The following VWC2L variants were observed in gnomAD, a reference collection of about 807,000 sequenced individuals.
The protein encoded by VWC2L is von Willebrand factor C domain-containing protein 2-like.
In VWC2L, 10 loss-of-function variants were observed where a neutral mutation model predicts 21.6. The ratio of observed to expected loss-of-function variants is 0.46; its 90% CI spans 0.29 to 0.78. The LOEUF (loss-of-function observed/expected upper bound fraction) is 0.78. VWC2L is among the 30% of genes least tolerant of loss of function. The pLI is 0.10. For synonymous variants in VWC2L, 96 were observed against 94.3 expected, an observed-to-expected ratio of 1.02 and a Z score of -0.10; for missense variants, 209 against 277.1, an observed-to-expected ratio of 0.75 and a Z score of 1.74.
At position 214,561,600 on chromosome 2, in the gene VWC2L, C is replaced by A. The variant is rs183052383; in HGVS notation, c.521-14072C>A. On this transcript the variant is annotated intron_variant, in intron 3 of 3. Transcript: ENST00000312504. ...TGTTGCCTGAGCAACATGGCAAAAT[C>A]TTGTCTCTACTAAAAATACAAAAAA... Among the ~76,000 whole-genome samples the A allele has an allele frequency of 2.6e-5, 4 of 151,778 alleles. No homozygotes were observed. In the East Asian group the frequency reaches 7.8e-4, roughly 29 times the overall value.
chr2:214,421,770 T>C (rs1702444728), intron 2 of VWC2L, among the ~76,000 whole-genome samples: 1 of 144,024 alleles, frequency 6.9e-6, no homozygotes, highest in South Asian at 2.1e-4. Context: ...CAACTGTACA[T>C]GGTTTTGGAT....
At chr2:214,541,339 A>G (rs555010508) in intron 3 of VWC2L, among the ~76,000 whole-genome samples, 1 of 152,136 alleles carries the variant, frequency 6.6e-6, no homozygotes, top group South Asian at 2.1e-4. Context: ...CTGTTTCTAC[A>G]TCAGGCTGAA....
chr2:214,480,871 A>AAAAAAAAAAAAG (rs1688593444), intron 3 of VWC2L, among the ~76,000 whole-genome samples: 2 of 104,590 alleles, frequency 1.9e-5, no homozygotes, highest in African/African-American at 7.3e-5. Flanking sequence ...AGCCAAAAAA[A>AAAAAAAAAAAAG]AAAAAAAAAA....
intron 3 of VWC2L, among the ~76,000 whole-genome samples, chr2:214,469,742 CT>C (rs755721547): frequency 2.0e-5 from 3 of 152,160 alleles, no homozygotes; most frequent in Non-Finnish European, 4.4e-5. Context: ...TTTTCCAGAA[CT>C]ACTTCCCATT....
intron 3 of VWC2L, among the ~76,000 whole-genome samples, chr2:214,478,923 T>C (rs1297278720): frequency 2.0e-5 from 3 of 152,164 alleles, no homozygotes; most frequent in African/African-American, 7.2e-5. Flanking sequence ...AAAACATATT[T>C]CAAAGCTCTC....
At chr2:214,418,593 GTTTTCTT>G (rs1230193198) in intron 2 of VWC2L, among the ~76,000 whole-genome samples, 1 of 152,156 alleles carries the variant, frequency 6.6e-6, no homozygotes, top group Non-Finnish European at 1.5e-5. Flanking sequence ...TAGCGACACT[GTTTTCTT>G]TTTTCTTTTC....
intron 3 of VWC2L, among the ~76,000 whole-genome samples, chr2:214,538,148 G>C (rs1409563376): frequency 2.0e-5 from 3 of 152,056 alleles, no homozygotes; most frequent in Non-Finnish European, 4.4e-5. Context: ...CGGCATGACT[G>C]TGACAGACAA....
At chr2:214,414,904 T>C in intron 2 of VWC2L, 1 of 326,806 alleles carries the variant, frequency 3.1e-6, no homozygotes, top group South Asian at 3.1e-5. Context: ...CAATTTTGTG[T>C]ATAGTGTATG....
intron 3 of VWC2L, among the ~76,000 whole-genome samples, chr2:214,469,809 T>C (rs138248396): frequency 1.3e-5 from 2 of 152,334 alleles, no homozygotes; most frequent in East Asian, 3.8e-4. Context: ...TTTAAGACTA[T>C]TTTATTCCTG....
chr2:214,537,220 C>T (rs1419822150), intron 3 of VWC2L, among the ~76,000 whole-genome samples: 2 of 152,122 alleles, frequency 1.3e-5, no homozygotes, highest in African/African-American at 4.8e-5. Flanking sequence ...GTCTCTGGAT[C>T]CCTAGCATCC....
At chr2:214,513,449 G>C (rs1689090231) in intron 3 of VWC2L, among the ~76,000 whole-genome samples, 1 of 152,076 alleles carries the variant, frequency 6.6e-6, no homozygotes, top group Admixed American at 6.5e-5. Context: ...TTACCATTAG[G>C]CTGTTATCAG....
chr2:214,464,671 G>T (rs957636485), intron 3 of VWC2L, among the ~76,000 whole-genome samples: 2 of 152,100 alleles, frequency 1.3e-5, no homozygotes, highest in African/African-American at 4.8e-5. Context: ...ATTACCAAGG[G>T]CTCTTCAGTT....
intron 3 of VWC2L, among the ~76,000 whole-genome samples, chr2:214,550,542 T>C (rs931581470): frequency 6.6e-6 from 1 of 152,286 alleles, no homozygotes; most frequent in East Asian, 1.9e-4. Context: ...CCTGTTTTGT[T>C]TTCTCCGTCT....
At chr2:214,453,757 G>C (rs1703011342) in intron 3 of VWC2L, among the ~76,000 whole-genome samples, 1 of 140,222 alleles carries the variant, frequency 7.1e-6, no homozygotes, top group Non-Finnish European at 1.5e-5. Flanking sequence ...GTCTCGCTCT[G>C]TTGCCCAGGC....
chr2:214,428,802 C>A (rs544853859), intron 2 of VWC2L, among the ~76,000 whole-genome samples: 3 of 123,266 alleles, frequency 2.4e-5, no homozygotes, highest in African/African-American at 6.1e-5. Context: ...AATCTTTGCA[C>A]ACAGACAGTG....
At chr2:214,519,782 A>T (rs940853832) in intron 3 of VWC2L, among the ~76,000 whole-genome samples, 2 of 152,086 alleles carry the variant, frequency 1.3e-5, no homozygotes, top group African/African-American at 4.8e-5. Flanking sequence ...TGGTGCATTC[A>T]CTTGCACCCA....
intron 3 of VWC2L, among the ~76,000 whole-genome samples, chr2:214,553,329 G>A (rs997791239): frequency 1.3e-5 from 2 of 152,250 alleles, no homozygotes; most frequent in African/African-American, 4.8e-5. Context: ...TGTGCCCAAA[G>A]TGATCAGGCT....
intron 3 of VWC2L, among the ~76,000 whole-genome samples, chr2:214,454,713 C>G (rs1225891532): frequency 1.4e-5 from 2 of 142,612 alleles, no homozygotes; most frequent in Non-Finnish European, 3.0e-5. Context: ...ATGCCATTCT[C>G]CTGCCTCAGC....
chr2:214,420,722 A>G (rs557976639), intron 2 of VWC2L, among the ~76,000 whole-genome samples: 1 of 152,216 alleles, frequency 6.6e-6, no homozygotes, highest in South Asian at 2.1e-4. Context: ...TTAAGATACT[A>G]TCCCAAGAAA....
Sources: allele counts gnomAD v4.1 joint callset (sites outside exome capture counted in the v4.1 genomes callset), GRCh38; gene constraint gnomAD v4.1.1; transcripts MANE v1.5; gene names NCBI Gene and HGNC (gene_info 2026-07-23, HGNC 2026-07-21).